Variants in BEND6 observed in about 807,000 individuals in gnomAD.
BEND6 encodes BEN domain-containing protein 6.
BEND6 carries 24 observed loss-of-function variants against 31.8 expected under a neutral mutation model. That is an observed-to-expected ratio of 0.75 (90% confidence interval 0.55 to 1.06). The LOEUF is 1.06. Among genes scored for constraint, BEND6 ranks in the 50% least tolerant of loss-of-function variants. BEND6 has a pLI of 0.00. For missense variants in BEND6, 294 were observed against 327.4 expected (o/e 0.90, Z 0.79); for synonymous variants, 109 against 114.6 (o/e 0.95, Z 0.31).
At chr6:56,995,107 T>C (rs1826655409) in intron 3 of BEND6, among the ~76,000 whole-genome samples, 2 of 152,096 alleles carry the variant, frequency 1.3e-5, no homozygotes, top group Admixed American at 1.3e-4. Flanking sequence ...CCCATCCCCT[T>C]TTTTGTAATC....
intron 3 of BEND6, among the ~76,000 whole-genome samples, chr6:57,011,484 G>A (rs959993655): frequency 1.3e-5 from 2 of 151,812 alleles, no homozygotes; most frequent in East Asian, 1.9e-4. Context: ...TAATCCCAGC[G>A]CTTTGGGAGG....
At chr6:56,963,017 A>T (rs1050482569) in intron 1 of BEND6, among the ~76,000 whole-genome samples, 3 of 152,162 alleles carry the variant, frequency 2.0e-5, no homozygotes, top group African/African-American at 7.2e-5. Flanking sequence ...TTCCTATTTT[A>T]TGGATGGGAA....
At chr6:56,981,388 T>C (rs1213239958) in intron 1 of BEND6, among the ~76,000 whole-genome samples, 1 of 152,192 alleles carries the variant, frequency 6.6e-6, no homozygotes, top group Non-Finnish European at 1.5e-5. Context: ...GTGATACTGT[T>C]TTTATAAATT....
intron 1 of BEND6, among the ~76,000 whole-genome samples, chr6:56,962,412 G>A (rs765220100): frequency 6.6e-6 from 1 of 152,164 alleles, no homozygotes; most frequent in Non-Finnish European, 1.5e-5. Context: ...ATTTCATTAT[G>A]TGACTGTTTC....
intron 1 of BEND6, among the ~76,000 whole-genome samples, chr6:56,961,403 T>C (rs190595737): frequency 1.6e-4 from 24 of 152,248 alleles, no homozygotes; most frequent in South Asian, 4.1e-4. Context: ...TTTAAACATA[T>C]TGGGAGGGAG....
chr6:56,974,327 T>A (rs1825800785), intron 1 of BEND6, among the ~76,000 whole-genome samples: 1 of 152,176 alleles, frequency 6.6e-6, no homozygotes, highest in Non-Finnish European at 1.5e-5. Flanking sequence ...AATATATGGA[T>A]CTTTAGGTCA....
At chr6:57,021,757 A>C (rs1209132949) in intron 6 of BEND6, among the ~76,000 whole-genome samples, 1 of 152,200 alleles carries the variant, frequency 6.6e-6, no homozygotes, top group Non-Finnish European at 1.5e-5. Flanking sequence ...AAGCGGCCTC[A>C]GGGTATATAA....
chr6:57,017,378 A>G lies in BEND6; in HGVS notation c.691A>G (p.Asn231Asp). 7.3e-7 allele frequency: 1 copy of G among 1,362,060 alleles called. No individual in the cohort carries two copies. Among genetic ancestry groups the G allele is most frequent in the Non-Finnish European group, 9.5e-7 (1 of 1,049,784 alleles). The allele number at this position is 1,362,060 out of a possible 1,614,324, so 84.4% of individuals were successfully genotyped here. A position where few individuals can be genotyped will look rare whatever the true frequency, so the allele number is the denominator to read the frequency against. The change falls in exon 5 of 7, where the codon AAT (asparagine) becomes GAT (aspartate). Residue 231 changes from asparagine to aspartate, a missense_variant. By Grantham distance (23) the Asn-to-Asp change is conservative (BLOSUM62 1). Transcript: ENST00000370746. ...AGCTGTAAAACCAGCTATGAATCAG[A>G]ATGAAGTCCAAGAAATCATAGGTGA... ...DKAVKPAMNQ[N>D]EVQEIIGVTK... is the part of the protein sequence containing the mutation.
chr6:56,971,744 A>T (rs560879678), intron 1 of BEND6, among the ~76,000 whole-genome samples: 2 of 152,156 alleles, frequency 1.3e-5, no homozygotes, highest in East Asian at 3.9e-4. Context: ...TTTTCATGTG[A>T]TATTGGCCGG....
At chr6:56,975,706 A>G (rs927327121) in intron 1 of BEND6, 14 of 458,802 alleles carry the variant, frequency 3.1e-5, no homozygotes, top group Admixed American at 1.0e-4. Context: ...GAAGAAATCT[A>G]TTGAGTTTTG....
chr6:56,993,775 G>T (rs574003744), intron 3 of BEND6, among the ~76,000 whole-genome samples: 1 of 152,224 alleles, frequency 6.6e-6, no homozygotes, highest in Admixed American at 6.5e-5. Flanking sequence ...ATAGCTTACT[G>T]CAACCTCAAA....
intron 1 of BEND6, among the ~76,000 whole-genome samples, chr6:56,972,385 G>A (rs572438969): frequency 9.9e-5 from 15 of 152,008 alleles, no homozygotes; most frequent in Non-Finnish European, 1.5e-4. Flanking sequence ...GTGAGCCACC[G>A]GGCCCAGCCA....
intron 3 of BEND6, among the ~76,000 whole-genome samples, chr6:57,013,416 A>G (rs1439328632): frequency 6.6e-6 from 1 of 152,234 alleles, no homozygotes; most frequent in Non-Finnish European, 1.5e-5. Flanking sequence ...TTGTCTATCC[A>G]GGAAGCTCAC....
intron 3 of BEND6, 36 bp from the exon 4 acceptor site, chr6:57,015,097 G>T: frequency 6.4e-7 from 1 of 1,561,700 alleles, no homozygotes; most frequent in Non-Finnish European, 8.8e-7. Flanking sequence ...TATTATCAAT[G>T]GTATTTGTAA....
chr6:57,016,948 A>G (rs1184089086), intron 4 of BEND6, among the ~76,000 whole-genome samples: 1 of 152,188 alleles, frequency 6.6e-6, no homozygotes, highest in Non-Finnish European at 1.5e-5. Context: ...TCCAGTTTAC[A>G]TGACAAGAAT....
At chr6:57,025,449 C>T (rs1212921217) in intron 6 of BEND6, among the ~76,000 whole-genome samples, 1 of 152,148 alleles carries the variant, frequency 6.6e-6, no homozygotes, top group Admixed American at 6.5e-5. Flanking sequence ...TGCCTTAAGC[C>T]CAAGTTTGCC....
At chr6:56,956,393 G>T (rs2306011) in intron 1 of BEND6, among the ~76,000 whole-genome samples, 9,057 of 152,254 alleles carry the variant, frequency 0.059, 396 homozygotes, top group East Asian at 0.18. Flanking sequence ...GTACAGCTCT[G>T]CATGAAAGCT....
In BEND6 at chr6:56,956,410, T is replaced by C. The variant is rs185928505; in HGVS notation, c.-101+950T>C. On this transcript the variant is annotated intron_variant, in intron 1 of 6. Coordinates refer to ENST00000370746, the MANE Select transcript of BEND6 (RefSeq NM_152731.3). ...ACAGCTCTGCATGAAAGCTTAATCATTGATGTCCTTAAAGCCAGTAACATA... is the reference window on the plus strand; with the variant it reads ...ACAGCTCTGCATGAAAGCTTAATCACTGATGTCCTTAAAGCCAGTAACATA... Among the ~76,000 whole-genome samples the C allele has an allele frequency of 3.6e-3, 543 of 152,338 alleles. 2 individuals carry two copies. The highest frequency in any genetic ancestry group is 0.02 in the Middle Eastern group (6 of 294).
chr6:57,019,732 A>G (rs1349645165), intron 6 of BEND6, among the ~76,000 whole-genome samples: 1 of 152,210 alleles, frequency 6.6e-6, no homozygotes, highest in Non-Finnish European at 1.5e-5. Context: ...TCAAAAAACT[A>G]TTACTTGTAA....
Sources: allele counts gnomAD v4.1 joint callset (sites outside exome capture counted in the v4.1 genomes callset), GRCh38; gene constraint gnomAD v4.1.1; transcripts MANE v1.5; gene names NCBI Gene and HGNC (gene_info 2026-07-23, HGNC 2026-07-21).